Variants in CTNND2 observed in about 807,000 individuals in gnomAD.
CTNND2 encodes the protein catenin delta-2.
Under a neutral mutation model 144.4 loss-of-function variants are expected in CTNND2, and 22 were observed. The ratio of observed to expected loss-of-function variants is 0.15; its 90% CI spans 0.11 to 0.22. The LOEUF is 0.22. Ranked by LOEUF, CTNND2 falls within the 10% of genes least tolerant of loss-of-function variation. The probability of loss-of-function intolerance (pLI) is 1.00; values close to 1 mark genes in which losing one functional copy is unlikely to be tolerated. For synonymous variants in CTNND2, 751 were observed against 695.6 expected (o/e 1.08, Z -1.25); for missense variants, 1,353 against 1,618.8 (o/e 0.84, Z 2.82).
chr5:11,615,870 G>GT lies in CTNND2; in HGVS notation c.175-50815_175-50814insA, dbSNP rs1780554597. ...GTGGCTACTGAAAAATCACATGCAT[G>GT]ACAATGGTATTCTCTTTTACACAAA... On this transcript the variant is annotated intron_variant, in intron 2 of 21. Coordinates refer to ENST00000304623, the MANE Select transcript of CTNND2 (RefSeq NM_001332.4). Among the ~76,000 whole-genome samples the GT allele has an allele frequency of 2.0e-5, 3 of 152,082 alleles. 1 individual carries two copies. In the East Asian group the frequency reaches 5.8e-4, roughly 29 times the overall value.
intron 2 of CTNND2, among the ~76,000 whole-genome samples, chr5:11,667,828 G>A (rs1242308917): frequency 1.3e-5 from 2 of 152,254 alleles, no homozygotes; most frequent in East Asian, 3.9e-4. Context: ...TTTTAGTCAT[G>A]AAGTCTTTGA....
intron 8 of CTNND2, among the ~76,000 whole-genome samples, chr5:11,350,820 T>C (rs946750595): frequency 4.6e-5 from 7 of 152,190 alleles, no homozygotes; most frequent in Non-Finnish European, 7.3e-5. Flanking sequence ...AATGTAACAA[T>C]GTAATACCTT....
In CTNND2 at chr5:11,384,678, C is replaced by T; in HGVS notation, c.1164G>A (p.Pro388=). The T allele has an allele frequency of 6.2e-7, 1 of 1,603,432 alleles. No individual in the cohort carries two copies. The highest frequency in any genetic ancestry group is 8.5e-7 in the Non-Finnish European group (1 of 1,178,112). ...ELYATATLQR[P]GSLAAGSRAS... is the part of the protein sequence containing the mutation. Reference sequence around the variant, plus strand: ...GCGAGCCTTTACCTGCCAGGCTGCCCGGCCTCTGGAGGGTGGCCGTGGCAT... The same window carrying T: ...GCGAGCCTTTACCTGCCAGGCTGCCTGGCCTCTGGAGGGTGGCCGTGGCAT... The change falls in exon 7 of 22, where the codon CCG becomes CCA. Residue 388 remains proline, a synonymous_variant. Transcript: ENST00000304623. This position sits in a 1 kb window ranked among gnomAD's most constrained non-coding sequence, Gnocchi z 5.2.
chr5:11,062,366 T>C (rs1185648463), intron 16 of CTNND2, among the ~76,000 whole-genome samples: 1 of 152,246 alleles, frequency 6.6e-6, no homozygotes, highest in Non-Finnish European at 1.5e-5. Flanking sequence ...CCAATAATGA[T>C]ACTCTATATG....
At chr5:11,447,191 A>G (rs1195939227) in intron 3 of CTNND2, among the ~76,000 whole-genome samples, 1 of 152,042 alleles carries the variant, frequency 6.6e-6, no homozygotes, top group Non-Finnish European at 1.5e-5. Context: ...AAAATACAAA[A>G]ATTAGCCAGA....
chr5:11,367,781 T>A (rs1757116659), intron 7 of CTNND2, among the ~76,000 whole-genome samples: 1 of 151,824 alleles, frequency 6.6e-6, no homozygotes, highest in African/African-American at 2.4e-5. Flanking sequence ...CAAAGTGCAA[T>A]CAAAACATGG....
chr5:11,096,644 T>C (rs1448860066), intron 15 of CTNND2, among the ~76,000 whole-genome samples: 5 of 152,226 alleles, frequency 3.3e-5, no homozygotes, highest in Admixed American at 6.5e-5. Flanking sequence ...AAGTCTTACA[T>C]TCAAAATCTT....
intron 9 of CTNND2, among the ~76,000 whole-genome samples, chr5:11,280,823 C>T (rs1275426447): frequency 6.6e-6 from 1 of 152,104 alleles, no homozygotes; most frequent in Non-Finnish European, 1.5e-5. Context: ...TACTCCAGCC[C>T]TGAAGACTAT....
At chr5:11,562,756 A>T (rs1776778563) in intron 3 of CTNND2, among the ~76,000 whole-genome samples, 2 of 152,236 alleles carry the variant, frequency 1.3e-5, no homozygotes. Flanking sequence ...TAACTGATGT[A>T]TTTTATTCAA....
intron 2 of CTNND2, among the ~76,000 whole-genome samples, chr5:11,725,091 C>T (rs1303979688): frequency 6.6e-6 from 1 of 152,124 alleles, no homozygotes; most frequent in African/African-American, 2.4e-5. Context: ...CATTTAGAGC[C>T]CAGGGCATGA....
intron 16 of CTNND2, among the ~76,000 whole-genome samples, chr5:11,040,438 T>G (rs549975126): frequency 6.6e-6 from 1 of 152,080 alleles, no homozygotes; most frequent in Admixed American, 6.5e-5. Flanking sequence ...CTTTCAAGAG[T>G]TGTTATACTC....
At chr5:11,729,712 T>C (rs1054969806) in intron 2 of CTNND2, among the ~76,000 whole-genome samples, 3 of 152,198 alleles carry the variant, frequency 2.0e-5, no homozygotes. Flanking sequence ...AATGACTAAA[T>C]CAATGGTTAT....
At position 11,271,134 on chromosome 5, in the gene CTNND2, G is replaced by A. The variant is rs111575558; in HGVS notation, c.1629-34311C>T. On this transcript the variant is annotated intron_variant, in intron 9 of 21. Transcript: ENST00000304623. Reference sequence around the variant, plus strand: ...ATTAAGTGAAGAACAAGTTATCCTCGCAAAGGTAGATGCATTTGAATAGGT... The same window carrying A: ...ATTAAGTGAAGAACAAGTTATCCTCACAAAGGTAGATGCATTTGAATAGGT... Among the ~76,000 whole-genome samples the A allele has an allele frequency of 1.9e-3, 289 of 152,162 alleles. 1 individual carries two copies. Among genetic ancestry groups the A allele is most frequent in the African/African-American group, 6.1e-3 (254 of 41,524 alleles).
chr5:11,072,928 GCCC>G (rs1748499394), intron 16 of CTNND2, among the ~76,000 whole-genome samples: 1 of 152,156 alleles, frequency 6.6e-6, no homozygotes, highest in African/African-American at 2.4e-5. Context: ...ACTGCCTTAT[GCCC>G]CCAAGGGCAG....
chr5:11,160,113 G>A (rs1758626295), intron 11 of CTNND2, among the ~76,000 whole-genome samples: 1 of 152,186 alleles, frequency 6.6e-6, no homozygotes, highest in African/African-American at 2.4e-5. Flanking sequence ...AGATGTGAAA[G>A]TTATTTGAAA....
chr5:11,859,524 G>A (rs1344490355), intron 1 of CTNND2, among the ~76,000 whole-genome samples: 2 of 152,046 alleles, frequency 1.3e-5, no homozygotes, highest in South Asian at 2.1e-4. Flanking sequence ...ATGTCTACAC[G>A]GCTCTGGGGG....
intron 1 of CTNND2, among the ~76,000 whole-genome samples, chr5:11,737,494 C>T (rs961932477): frequency 1.3e-5 from 2 of 152,124 alleles, no homozygotes; most frequent in East Asian, 1.9e-4. Context: ...GAAGAACAGC[C>T]CTAAATTTCG....
intron 2 of CTNND2, among the ~76,000 whole-genome samples, chr5:11,580,742 T>C (rs1033022130): frequency 6.6e-6 from 1 of 152,214 alleles, no homozygotes; most frequent in African/African-American, 2.4e-5. Context: ...AAATTCATAG[T>C]ATGGTTTCTT....
chr5:11,729,065 C>T (rs1787184539), intron 2 of CTNND2, among the ~76,000 whole-genome samples: 1 of 152,034 alleles, frequency 6.6e-6, no homozygotes, highest in African/African-American at 2.4e-5. Context: ...TTGATTTATG[C>T]TTTCACCTAG....
Sources: gnomAD v4.1 joint callset for allele counts (sites outside exome capture counted in the v4.1 genomes callset) on GRCh38, gnomAD v4.1.1 for gene constraint, Gnocchi (gnomAD v3.1) non-coding constraint, MANE v1.5 for transcripts, NCBI Gene and HGNC (gene_info 2026-07-23, HGNC 2026-07-21) for gene names.